THSD4: variants seen among roughly 807,000 people sequenced by gnomAD.
The protein encoded by THSD4 is thrombospondin type-1 domain-containing protein 4.
Under a neutral mutation model 119.0 loss-of-function variants are expected in THSD4, and 69 were observed. That is an observed-to-expected ratio of 0.58 (90% CI 0.48 to 0.71). The LOEUF (loss-of-function observed/expected upper bound fraction) is 0.71, where lower values mean the gene tolerates loss of function less well. Among genes scored for constraint, THSD4 ranks in the 30% least tolerant of loss-of-function variants. The pLI is 0.00. For synonymous variants in THSD4, 524 were observed against 540.4 expected (o/e 0.97, Z 0.42); for missense variants, 1,393 against 1,391.1 (o/e 1.00, Z -0.02).
chr15:71,389,810 G>GTTTTTTTTTTTTTTTTTTTTTTTTTTTT (rs556682631), intron 6 of THSD4, among the ~76,000 whole-genome samples: 2 of 87,998 alleles, frequency 2.3e-5, no homozygotes, highest in African/African-American at 4.3e-5. Flanking sequence ...TTTCTGGGTT[G>GTTTTTTTTTTTTTTTTTTTTTTTTTTTT]TTTTTTTTTT....
At chr15:71,391,367 C>G (rs1341277087) in intron 6 of THSD4, among the ~76,000 whole-genome samples, 1 of 152,106 alleles carries the variant, frequency 6.6e-6, no homozygotes, top group African/African-American at 2.4e-5. Flanking sequence ...TTTGTAGAGA[C>G]AGGGTCTTGC....
intron 7 of THSD4, among the ~76,000 whole-genome samples, chr15:71,561,689 A>T (rs2049119725): frequency 6.6e-6 from 1 of 152,168 alleles, no homozygotes; most frequent in South Asian, 2.1e-4. Context: ...AGAAGAAAAT[A>T]TGTAGGATGC....
chr15:71,584,505 A>T (rs2049625787), intron 7 of THSD4, among the ~76,000 whole-genome samples: 1 of 151,626 alleles, frequency 6.6e-6, no homozygotes, highest in Non-Finnish European at 1.5e-5. Flanking sequence ...CTGACCTCAG[A>T]TTATCTGCCC....
chr15:71,604,455 T>A (rs34154249), intron 7 of THSD4, among the ~76,000 whole-genome samples: 1 of 152,196 alleles, frequency 6.6e-6, no homozygotes, highest in Non-Finnish European at 1.5e-5. Flanking sequence ...TTGGACTTAC[T>A]ATGGCATTTT....
chr15:71,581,711 G>A lies in THSD4; in HGVS notation c.1153-78819G>A, dbSNP rs908048365. Among the ~76,000 whole-genome samples, 9 of 152,106 alleles carry A rather than the reference G, an allele frequency of 5.9e-5. No individual in the cohort carries two copies. The South Asian group carries it at 1.9e-3, about 32-fold the overall frequency. Reference sequence around the variant, plus strand: ...CATTGATTTTTGTGTAGAGATAAGGGTTTGATTCCACTCTTCTGCATGTGG... The same window carrying A: ...CATTGATTTTTGTGTAGAGATAAGGATTTGATTCCACTCTTCTGCATGTGG... On this transcript the variant is annotated intron_variant, in intron 7 of 17. Transcript: ENST00000261862.
intron 7 of THSD4, among the ~76,000 whole-genome samples, chr15:71,463,215 T>A (rs2047450717): frequency 6.6e-6 from 1 of 152,214 alleles, no homozygotes. Flanking sequence ...TAACTCTTAA[T>A]CTTGACTTCA....
chr15:71,314,259 G>A lies in THSD4; in HGVS notation c.1015+57544G>A, dbSNP rs374594515. On this transcript the variant is annotated intron_variant, in intron 6 of 17. Coordinates refer to ENST00000261862, the MANE Select transcript of THSD4 (RefSeq NM_024817.3). ...AGGAACTTATCTCAAAACTTAGCCT[G>A]GTAATATTAATTTTGATAAGTTACT... is the stretch of plus-strand genomic sequence containing the variant. 2.9e-4 allele frequency among the ~76,000 whole-genome samples: 44 copies of A among 151,646 alleles called. No individual in the cohort carries two copies. The South Asian group carries it at 9.3e-3, about 32-fold the overall frequency.
At chr15:71,709,032 C>T (rs567084605) in intron 8 of THSD4, among the ~76,000 whole-genome samples, 4 of 152,248 alleles carry the variant, frequency 2.6e-5, no homozygotes, top group Non-Finnish European at 5.9e-5. Context: ...GAGGTAGAGT[C>T]GCGTGGTGTA....
chr15:71,145,929 G>A (rs770087029), intron 2 of THSD4, among the ~76,000 whole-genome samples: 1 of 152,126 alleles, frequency 6.6e-6, no homozygotes, highest in Non-Finnish European at 1.5e-5. Flanking sequence ...TGGATCACAA[G>A]TATTAAACTT....
At chr15:71,699,130 A>C (rs1371482106) in intron 8 of THSD4, among the ~76,000 whole-genome samples, 2 of 150,776 alleles carry the variant, frequency 1.3e-5, no homozygotes, top group African/African-American at 4.8e-5. Flanking sequence ...TTTGGAGGTG[A>C]GTAATGTGTT....
chr15:71,199,879 G>GT (rs2043780772), intron 3 of THSD4, among the ~76,000 whole-genome samples: 1 of 49,352 alleles, frequency 2.0e-5, no homozygotes, highest in Admixed American at 2.9e-4. Context: ...GTGTGTGTGT[G>GT]GTGCATGTGT....
At chr15:71,261,697 C>T (rs1168131449) in intron 6 of THSD4, among the ~76,000 whole-genome samples, 1 of 152,176 alleles carries the variant, frequency 6.6e-6, no homozygotes, top group Non-Finnish European at 1.5e-5. Context: ...GACAGGAAAA[C>T]ATTCTTCTAC....
intron 8 of THSD4, among the ~76,000 whole-genome samples, chr15:71,672,241 T>C (rs2051546681): frequency 6.6e-6 from 1 of 152,332 alleles, no homozygotes; most frequent in Non-Finnish European, 1.5e-5. Context: ...TTATTCTCTT[T>C]GAAGCAATTG....
intron 7 of THSD4, among the ~76,000 whole-genome samples, chr15:71,534,374 C>T (rs997263916): frequency 1.3e-5 from 2 of 152,288 alleles, no homozygotes; most frequent in Non-Finnish European, 2.9e-5. Flanking sequence ...TCCAGATGAA[C>T]GTAGCAACGT....
chr15:71,300,873 C>T (rs1425616857), intron 6 of THSD4, among the ~76,000 whole-genome samples: 1 of 152,196 alleles, frequency 6.6e-6, no homozygotes, highest in Non-Finnish European at 1.5e-5. Context: ...GGAACCAACT[C>T]CCAGCTTCTG....
At chr15:71,503,655 G>A (rs533280511) in intron 7 of THSD4, among the ~76,000 whole-genome samples, 1 of 152,134 alleles carries the variant, frequency 6.6e-6, no homozygotes, top group Non-Finnish European at 1.5e-5. Flanking sequence ...ACATACTCAG[G>A]GAGCCACCAC....
chr15:71,540,330 G>T (rs949168476), intron 7 of THSD4, among the ~76,000 whole-genome samples: 10 of 151,462 alleles, frequency 6.6e-5, no homozygotes, highest in African/African-American at 2.4e-4. Flanking sequence ...TAGAGACGGG[G>T]TTTCACCATG....
intron 7 of THSD4, among the ~76,000 whole-genome samples, chr15:71,569,021 G>A (rs1283353258): frequency 6.6e-6 from 1 of 152,194 alleles, no homozygotes; most frequent in Admixed American, 6.5e-5. Context: ...ATGAAAAAGT[G>A]TTGTCTCATC....
rs980020568 is a variant in THSD4 at position 71,782,828 on chromosome 15, C to T, written c.*5454C>T. ...TTCCTCATCTAATCTGCCTTCCCCT[C>T]ATCCACAGACATTTGGAGAAGGAAA... On this transcript the variant is annotated 3_prime_UTR_variant, in exon 18 of 18. Coordinates refer to ENST00000261862, the MANE Select transcript of THSD4 (RefSeq NM_024817.3). The T allele has an allele frequency of 6.6e-6, 1 of 152,242 alleles. No homozygotes were observed. The highest frequency in any genetic ancestry group is 2.4e-5 in the African/African-American group (1 of 41,436). The allele number at this position is 152,242 out of a possible 1,614,324, so 9.4% of individuals were successfully genotyped here.
Sources: gnomAD v4.1 joint callset for allele counts (sites outside exome capture counted in the v4.1 genomes callset) on GRCh38, gnomAD v4.1.1 for gene constraint, MANE v1.5 for transcripts, NCBI Gene and HGNC (gene_info 2026-07-23, HGNC 2026-07-21) for gene names.